BPI: variants seen among roughly 807,000 people sequenced by gnomAD.
BPI encodes the protein bactericidal permeability-increasing protein.
In BPI, 48 loss-of-function variants were observed where a neutral mutation model predicts 57.6. The ratio of observed to expected loss-of-function variants is 0.83; its 90% CI spans 0.66 to 1.06. The LOEUF (loss-of-function observed/expected upper bound fraction) is 1.06. BPI is among the 50% of genes least tolerant of loss of function. The probability of loss-of-function intolerance (pLI) is 0.00; values close to 1 mark genes in which losing one functional copy is unlikely to be tolerated. For synonymous variants in BPI, 237 were observed against 238.2 expected (o/e 0.99, Z 0.05); for missense variants, 651 against 609.7 (o/e 1.07, Z -0.71).
At chr20:38,310,714 C>T (rs1329144965) in intron 4 of BPI, 62 bp downstream of exon 4, 2 of 1,564,054 alleles carry the variant, frequency 1.3e-6, no homozygotes, top group East Asian at 2.3e-5. Flanking sequence ...CCCAATCATC[C>T]CTGTATTCCG....
chr20:38,334,486 G>A lies in BPI; in HGVS notation c.1329G>A (p.Arg443=). ...NYIVPILVLP[R]VNEKLQKGFP... The stretch of plus-strand genomic sequence containing the variant: ...TTGTACCCATTCTTGTGCTGCCCAG[G>A]GTTAACGGTAAGGAACTTTGAAGAA... Residue 443 remains arginine (R), a synonymous_variant, in exon 13 of 15, where the codon AGG becomes AGA. Coordinates refer to ENST00000642449, the MANE Select transcript of BPI (RefSeq NM_001725.3). 6.2e-7 allele frequency: 1 copy of A among 1,613,400 alleles called. No individual in the cohort carries two copies. Among genetic ancestry groups the A allele is most frequent in the South Asian group, 1.1e-5 (1 of 91,064 alleles).
intron 5 of BPI, chr20:38,317,977 A>T (rs573472451): frequency 1.0e-6 from 1 of 985,368 alleles, no homozygotes; most frequent in Admixed American, 6.1e-5. Context: ...ACTTAAGCAG[A>T]AACACTGCCC....
At chr20:38,323,691 T>G (rs2076697788) in intron 7 of BPI, among the ~76,000 whole-genome samples, 179 bp from the exon 8 acceptor site, 1 of 152,222 alleles carries the variant, frequency 6.6e-6, no homozygotes, top group Non-Finnish European at 1.5e-5. Flanking sequence ...AGGACTGGCA[T>G]GAAAGGCACT....
At chr20:38,306,048 T>C (rs1223149227) in intron 1 of BPI, among the ~76,000 whole-genome samples, 1 of 152,200 alleles carries the variant, frequency 6.6e-6, no homozygotes, top group East Asian at 1.9e-4. Flanking sequence ...TTGTTTTGTT[T>C]TGAGACCGAG....
intron 3 of BPI, 150 bp downstream of exon 3, chr20:38,309,208 G>C: frequency 8.5e-7 from 1 of 1,172,282 alleles, no homozygotes; most frequent in Non-Finnish European, 1.2e-6. Flanking sequence ...CACATGAGAA[G>C]ATTCAACATA....
At chr20:38,335,979 A>C (rs780098044) in intron 14 of BPI, among the ~76,000 whole-genome samples, 13 of 152,212 alleles carry the variant, frequency 8.5e-5, no homozygotes, top group Non-Finnish European at 1.8e-4. Context: ...TTTAAGGTGC[A>C]TTTAAATATT....
At chr20:38,322,150 G>A (rs11699393) in intron 7 of BPI, among the ~76,000 whole-genome samples, 5,652 of 152,212 alleles carry the variant, frequency 0.037, 138 homozygotes, top group East Asian at 0.12. Context: ...TAATGTACGA[G>A]GACAGTGCCC....
rs138381529 is a variant in BPI, at chr20:38,336,002, G to A, written c.1413+328G>A. Among the ~76,000 whole-genome samples the A allele has an allele frequency of 9.9e-5, 15 of 152,282 alleles. No individual in the cohort carries two copies. The East Asian group carries it at 1.5e-3, about 16-fold the overall frequency. ...GCATTTAAATATTTAACGAATATAT[G>A]TTGCACACCTTTTGCACCCAGCATC... is the stretch of plus-strand genomic sequence containing the variant. On this transcript the variant is annotated intron_variant, in intron 14 of 14. Transcript: ENST00000642449.
At position 38,334,479 on chromosome 20, in the gene BPI, TGCCCAGGGTTAACG is replaced by T. The variant is rs1376328444; in HGVS notation, c.1324_1336+1del. 6.2e-7 allele frequency: 1 copy of T among 1,613,624 alleles called. No individual in the cohort carries two copies. The highest frequency in any genetic ancestry group is 8.5e-7 in the Non-Finnish European group (1 of 1,179,608). On this transcript the variant is annotated frameshift_variant and splice_region_variant, in exon 13 of 15. Transcript: ENST00000642449. LOFTEE classifies it high-confidence loss of function. The stretch of plus-strand genomic sequence containing the variant: ...AACTACATTGTACCCATTCTTGTGC[TGCCCAGGGTTAACG>T]GTAAGGAACTTTGAAGAAACCATTC...
intron 5 of BPI, 122 bp downstream of exon 5, chr20:38,312,059 T>A: frequency 1.1e-6 from 1 of 948,292 alleles, no homozygotes; most frequent in Non-Finnish European, 1.6e-6. Flanking sequence ...TTATGGCCCT[T>A]TGAAACCACA....
chr20:38,335,797 T>A (rs749992605), intron 14 of BPI, 123 bp downstream of exon 14: 5 of 882,088 alleles, frequency 5.7e-6, no homozygotes, highest in Non-Finnish European at 7.1e-6. Flanking sequence ...ACAACAACTC[T>A]GGGATGTGGG....
At chr20:38,325,953 G>A (rs951303627) in intron 9 of BPI, among the ~76,000 whole-genome samples, 7 of 151,998 alleles carry the variant, frequency 4.6e-5, no homozygotes, top group South Asian at 2.1e-4. Flanking sequence ...GGAAAGAGCC[G>A]AGAGAAGAAT....
intron 2 of BPI, among the ~76,000 whole-genome samples, chr20:38,308,163 TCTC>T (rs1177155884): frequency 6.6e-6 from 1 of 152,102 alleles, no homozygotes; most frequent in African/African-American, 2.4e-5. Context: ...TCTCTCTAGA[TCTC>T]CTGCTCAGCA....
rs1430484771 is a variant in BPI, at chr20:38,327,652, A to G, written c.1226A>G (p.Asp409Gly). Residue 409 changes from aspartate to glycine, a missense_variant, in exon 11 of 15, where the codon GAT becomes GGT. Physicochemically the swap from Asp to Gly is moderately conservative, Grantham distance 94 (BLOSUM62 -1). Transcript: ENST00000642449. Reference sequence around the variant, plus strand: ...AGGCTTGTTGGAGAGCTCAAGCTGGATAGGTAAGTGGGCCTGTGAGAGGAG... The same window carrying G: ...AGGCTTGTTGGAGAGCTCAAGCTGGGTAGGTAAGTGGGCCTGTGAGAGGAG... Reference protein sequence around the residue: ...SNRLVGELKLDRLLLELKHSN... With the variant: ...SNRLVGELKLGRLLLELKHSN... The G allele has an allele frequency of 1.9e-6, 3 of 1,613,530 alleles. No individual in the cohort carries two copies. Among genetic ancestry groups the G allele is most frequent in the East Asian group, 4.5e-5 (2 of 44,862 alleles).
intron 1 of BPI, 21 bp downstream of exon 1, chr20:38,304,374 C>T (rs2076587288): frequency 6.2e-7 from 1 of 1,610,486 alleles, no homozygotes; most frequent in Non-Finnish European, 8.5e-7. Context: ...GCCTCCCTTC[C>T]CTCCTCTCCA....
intron 11 of BPI, among the ~76,000 whole-genome samples, chr20:38,328,882 T>C (rs930388851): frequency 6.6e-6 from 1 of 151,754 alleles, no homozygotes; most frequent in Admixed American, 6.6e-5. Flanking sequence ...GGTGCATGCC[T>C]GGGGTCCCAG....
intron 7 of BPI, among the ~76,000 whole-genome samples, chr20:38,322,320 A>T (rs780417074): frequency 6.6e-6 from 1 of 152,252 alleles, no homozygotes; most frequent in Non-Finnish European, 1.5e-5. Context: ...GAATACCCAC[A>T]TATATCTAAG....
At chr20:38,322,035 A>G (rs1182432390) in intron 7 of BPI, among the ~76,000 whole-genome samples, 1 of 152,238 alleles carries the variant, frequency 6.6e-6, no homozygotes, top group Non-Finnish European at 1.5e-5. Flanking sequence ...TCTGCTTTAC[A>G]ACTTTAAAAA....
At chr20:38,335,740 CAA>C in intron 14 of BPI, 66 bp downstream of exon 14, 1 of 1,494,934 alleles carries the variant, frequency 6.7e-7, no homozygotes, top group Non-Finnish European at 9.3e-7. Context: ...CCTATGGCTG[CAA>C]TGCTTCCTGC....
Sources: gnomAD v4.1 joint callset for allele counts (sites outside exome capture counted in the v4.1 genomes callset) on GRCh38, gnomAD v4.1.1 for gene constraint, MANE v1.5 for transcripts, NCBI Gene and HGNC (gene_info 2026-07-23, HGNC 2026-07-21) for gene names.